Variants in DIDO1 observed in about 807,000 individuals in gnomAD.
The protein encoded by DIDO1 is death inducer-obliterator 1, also known as death-inducer obliterator 1.
In DIDO1, 16 loss-of-function variants were observed where a neutral mutation model predicts 99.4. The observed-to-expected ratio is 0.16, with a 90% confidence interval of 0.11 to 0.24. The LOEUF is 0.24. Ranked by LOEUF, DIDO1 falls within the 10% of genes least tolerant of loss-of-function variation. The probability of loss-of-function intolerance (pLI) is 1.00; values close to 1 mark genes in which losing one functional copy is unlikely to be tolerated. For missense variants in DIDO1, 2,996 were observed against 3,014.0 expected (o/e 0.99, Z 0.14); for synonymous variants, 1,366 against 1,239.1 (o/e 1.10, Z -2.15).
chr20:62,908,594 A>G (rs982340420), intron 4 of DIDO1, among the ~76,000 whole-genome samples: 1 of 152,202 alleles, frequency 6.6e-6, no homozygotes, highest in East Asian at 1.9e-4. Context: ...GCGAAACCTT[A>G]TTTCTCAAAT....
rs1287701084 is a variant in DIDO1, at chr20:62,887,225, G to C, written c.3541+3735C>G. On this transcript the variant is annotated intron_variant, in intron 15 of 15. Coordinates refer to ENST00000395343, the MANE Select transcript of DIDO1 (RefSeq NM_001193369.2). ...CAAACAAGGACCAGTTTCCATGAAAGATGTTTATTGATTTAGGAGGAGAAG... is the reference window on the plus strand; with the variant it reads ...CAAACAAGGACCAGTTTCCATGAAACATGTTTATTGATTTAGGAGGAGAAG... The C allele has an allele frequency of 6.1e-6, 6 of 985,356 alleles. 1 individual carries two copies. In the Admixed American group the frequency reaches 2.5e-4, roughly 40 times the overall value. The allele number at this position is 985,356 out of a possible 1,614,324, so 61.0% of individuals were successfully genotyped here. A position where few individuals can be genotyped will look rare whatever the true frequency, so the allele number is the denominator to read the frequency against.
Position 62,919,275 on chromosome 20 carries a change from C to T in DIDO1, c.-199-4869G>A, listed in dbSNP as rs186261675. 3.6e-4 allele frequency among the ~76,000 whole-genome samples: 55 copies of T among 152,300 alleles called. 1 individual carries two copies. Among genetic ancestry groups the T allele is most frequent in the African/African-American group, 9.6e-4 (40 of 41,570 alleles). On this transcript the variant is annotated intron_variant, in intron 1 of 15. Coordinates refer to ENST00000395343, the MANE Select transcript of DIDO1 (RefSeq NM_001193369.2). The stretch of plus-strand genomic sequence containing the variant: ...TACAAAAATTATTCTGGGCCGGGTG[C>T]GGTGGCTCATGCCTGCACTTCGGGA...
intron 1 of DIDO1, among the ~76,000 whole-genome samples, chr20:62,937,116 G>A (rs2065396909): frequency 6.6e-6 from 1 of 152,218 alleles, no homozygotes; most frequent in African/African-American, 2.4e-5. Context: ...TCGCTTGTAA[G>A]CAAACACACG....
chr20:62,888,376 A>G (rs900729871), intron 15 of DIDO1: 1 of 985,356 alleles, frequency 1.0e-6, no homozygotes, highest in African/African-American at 1.7e-5. Context: ...GCAGACGGGC[A>G]GCTCAAGGCT....
intron 6 of DIDO1, among the ~76,000 whole-genome samples, chr20:62,904,609 C>T (rs909523105): frequency 7.3e-5 from 11 of 151,660 alleles, no homozygotes; most frequent in African/African-American, 2.4e-4. Flanking sequence ...GGTGAAACCC[C>T]GTCTCTACTA....
intron 1 of DIDO1, among the ~76,000 whole-genome samples, chr20:62,918,553 C>T (rs2065079036): frequency 6.6e-6 from 1 of 152,174 alleles, no homozygotes; most frequent in African/African-American, 2.4e-5. Context: ...TAACATCGCA[C>T]CTCCAGGAAA....
At chr20:62,900,725 T>C (rs2064651925) in intron 6 of DIDO1, among the ~76,000 whole-genome samples, 1 of 152,230 alleles carries the variant, frequency 6.6e-6, no homozygotes, top group South Asian at 2.1e-4. Flanking sequence ...TGAAGTGGCC[T>C]GCCCTGTCGC....
chr20:62,889,085 C>T (rs943567298), intron 15 of DIDO1: 16 of 985,496 alleles, frequency 1.6e-5, no homozygotes, highest in East Asian at 1.1e-4. Context: ...GCGAGTGTGA[C>T]GTTCCCCCAG....
intron 3 of DIDO1, 148 bp downstream of exon 3, chr20:62,910,626 A>G: frequency 1.0e-6 from 1 of 975,762 alleles, no homozygotes; most frequent in Non-Finnish European, 1.5e-6. Context: ...GTCCTTAGCC[A>G]CTCTTATGTG....
chr20:62,890,424 A>G, intron 15 of DIDO1: 1 of 990,080 alleles, frequency 1.0e-6, no homozygotes, highest in East Asian at 1.1e-4. Context: ...GGAACGTGCA[A>G]ACACAAAATA....
intron 6 of DIDO1, chr20:62,905,635 A>G (rs1880394191): frequency 1.9e-6 from 3 of 1,559,748 alleles, no homozygotes; most frequent in Non-Finnish European, 8.7e-7. Flanking sequence ...AGAATCAATC[A>G]TTAAGGTGAA....
At chr20:62,902,519 G>GGCTTTAAATTCCTGCAAAACACTC (rs1212749181) in intron 6 of DIDO1, among the ~76,000 whole-genome samples, 19 of 152,064 alleles carry the variant, frequency 1.2e-4, no homozygotes, top group Admixed American at 1.0e-3. Context: ...CTCCTCTCCC[G>GGCTTTAAATTCCTGCAAAACACTC]GCTTTAAATT....
chr20:62,903,697 T>C (rs961161083), intron 6 of DIDO1, among the ~76,000 whole-genome samples: 5 of 152,228 alleles, frequency 3.3e-5, no homozygotes, highest in African/African-American at 1.2e-4. Flanking sequence ...CAGAAGCTAC[T>C]AGCTCAAAAG....
In DIDO1 at chr20:62,910,198, C is replaced by T. The variant is rs1321253832; in HGVS notation, c.840-178G>A. Reference sequence around the variant, plus strand: ...TAACATTCAACCAAATTTACTTCACCGTTTTTTAAGAGTAGCGCATTTTAG... The same window carrying T: ...TAACATTCAACCAAATTTACTTCACTGTTTTTTAAGAGTAGCGCATTTTAG... On this transcript the variant is annotated intron_variant, in intron 3 of 15. Coordinates refer to ENST00000395343, the MANE Select transcript of DIDO1 (RefSeq NM_001193369.2). Among the ~76,000 whole-genome samples, 5 of 152,252 alleles carry T rather than the reference C, an allele frequency of 3.3e-5. No individual in the cohort carries two copies. The East Asian group carries it at 5.8e-4, about 18-fold the overall frequency.
chr20:62,920,375 C>G (rs1275628932), intron 1 of DIDO1, among the ~76,000 whole-genome samples: 2 of 152,298 alleles, frequency 1.3e-5, no homozygotes, highest in South Asian at 2.1e-4. Flanking sequence ...TGCCTCCCCC[C>G]AACCCCCGAT....
At chr20:62,915,957 G>C (rs2065029786) in intron 1 of DIDO1, among the ~76,000 whole-genome samples, 1 of 152,034 alleles carries the variant, frequency 6.6e-6, no homozygotes, top group Non-Finnish European at 1.5e-5. Flanking sequence ...ATTCAATGAA[G>C]GATATACCTT....
chr20:62,878,202 AAATT>A lies in DIDO1; in HGVS notation c.*1027_*1030del, dbSNP rs1465241656. The A allele has an allele frequency of 1.3e-5, 2 of 152,250 alleles. No individual in the cohort carries two copies. The highest frequency in any genetic ancestry group is 4.8e-5 in the African/African-American group (2 of 41,476). 9.4% of individuals were successfully genotyped at this position (152,250 alleles called of 1,614,324 possible). Reference sequence around the variant, plus strand: ...ATTATCAAAGTGTATTTGTACAAATAAATTAGCCAGATTTTTTTACTTCACACTT... The same window carrying A: ...ATTATCAAAGTGTATTTGTACAAATAAGCCAGATTTTTTTACTTCACACTT... On this transcript the variant is annotated 3_prime_UTR_variant, in exon 16 of 16. Coordinates refer to ENST00000395343, the MANE Select transcript of DIDO1 (RefSeq NM_001193369.2).
At chr20:62,932,816 A>G (rs2065344526) in intron 1 of DIDO1, among the ~76,000 whole-genome samples, 1 of 152,398 alleles carries the variant, frequency 6.6e-6, no homozygotes, top group Admixed American at 6.5e-5. Flanking sequence ...AGAAAGGGAA[A>G]TAAAATCAGG....
chr20:62,879,868 G>C lies in DIDO1; in HGVS notation c.6088C>G (p.Pro2030Ala). 1 of 1,594,028 alleles carries C rather than the reference G, an allele frequency of 6.3e-7. No homozygotes were observed. The highest frequency in any genetic ancestry group is 2.2e-5 in the East Asian group (1 of 44,724). ...TTCCGGTGCTGCGGGGGGTGGCTGG[G>C]AAGCTCCAGCAGGGGCCTGGGGCCC... ...KPGPRPLLEL[P>A]SHPPQHRKDR... Residue 2030 changes from proline to alanine, a missense_variant, in exon 16 of 16, where the codon CCC becomes GCC. Physicochemically the swap from Pro to Ala is conservative, Grantham distance 27. Transcript: ENST00000395343. This position sits in a 1 kb window ranked among gnomAD's most constrained non-coding sequence, Gnocchi z 6.3.
Sources: gnomAD v4.1 joint callset for allele counts (sites outside exome capture counted in the v4.1 genomes callset) on GRCh38, gnomAD v4.1.1 for gene constraint, Gnocchi (gnomAD v3.1) non-coding constraint, MANE v1.5 for transcripts, NCBI Gene and HGNC (gene_info 2026-07-23, HGNC 2026-07-21) for gene names.